The following LRP1B variants were observed in gnomAD, a reference collection of about 807,000 sequenced individuals.
The protein encoded by LRP1B is LDL receptor related protein 1B.
A neutral mutation model predicts 556.6 loss-of-function variants in LRP1B; 217 were observed. The observed-to-expected ratio is 0.39, with a 90% CI of 0.35 to 0.44. LRP1B has a LOEUF of 0.44. LRP1B is among the 20% of genes least tolerant of loss of function. LRP1B has a pLI of 1.00. For missense variants in LRP1B, 5,053 were observed against 5,620.8 expected (o/e 0.90, Z 3.23); for synonymous variants, 2,047 against 1,865.8 (o/e 1.10, Z -2.50).
chr2:140,778,571 A>G (rs1689580294), intron 32 of LRP1B, among the ~76,000 whole-genome samples: 1 of 152,184 alleles, frequency 6.6e-6, no homozygotes, highest in African/African-American at 2.4e-5. Flanking sequence ...TTTCAAATGA[A>G]CAACACAAGC....
chr2:141,183,761 A>T, intron 7 of LRP1B, among the ~76,000 whole-genome samples: 1 of 152,038 alleles, frequency 6.6e-6, no homozygotes, highest in Admixed American at 6.6e-5. Flanking sequence ...CAATTTAGCC[A>T]AATCACATAA....
chr2:140,265,229 T>C (rs915243020), intron 86 of LRP1B, among the ~76,000 whole-genome samples: 1 of 152,104 alleles, frequency 6.6e-6, no homozygotes, highest in African/African-American at 2.4e-5. Flanking sequence ...TTTCTATAGC[T>C]TACAATAAAA....
chr2:141,960,337 A>G (rs911005063), intron 1 of LRP1B, among the ~76,000 whole-genome samples: 1 of 151,840 alleles, frequency 6.6e-6, no homozygotes, highest in Non-Finnish European at 1.5e-5. Context: ...ACCTAATGAT[A>G]GTAATCATTG....
In LRP1B at chr2:140,456,330, T is replaced by C. The variant is rs918581962; in HGVS notation, c.9963+125A>G. The stretch of plus-strand genomic sequence containing the variant: ...AAGGTCCCATTTTAATGAGATGTTA[T>C]AGTGTTTTCCTTTATTCTGTGACCA... On this transcript the variant is annotated intron_variant, in intron 62 of 90. Transcript: ENST00000389484. 24 of 870,290 alleles carry C rather than the reference T, an allele frequency of 2.8e-5. No homozygotes were observed. In the African/African-American group the frequency reaches 3.3e-4, roughly 12 times the overall value. 53.9% of individuals were successfully genotyped at this position (870,290 alleles called of 1,614,324 possible). A position where few individuals can be genotyped will look rare whatever the true frequency, so the allele number is the denominator to read the frequency against.
In LRP1B at chr2:140,233,063, T is replaced by G. The variant is rs1680537252; in HGVS notation, c.*123A>C. The G allele has an allele frequency of 3.4e-6, 2 of 588,642 alleles. No individual in the cohort carries two copies. The highest frequency in any genetic ancestry group is 2.6e-6 in the Non-Finnish European group (1 of 382,230). 36.5% of individuals were successfully genotyped at this position (588,642 alleles called of 1,614,324 possible). On this transcript the variant is annotated 3_prime_UTR_variant, in exon 91 of 91. Transcript: ENST00000389484. ...AAACCCAAAAAACTCAGAAAACAAT[T>G]AACCAGGAAAAAGATAAAGAAAGAG...
chr2:140,939,571 A>G (rs1235283361), intron 20 of LRP1B, among the ~76,000 whole-genome samples: 1 of 149,514 alleles, frequency 6.7e-6, no homozygotes, highest in Non-Finnish European at 1.5e-5. Flanking sequence ...TTACTTTTAT[A>G]TTTGCATTTA....
At chr2:140,351,933 CCACA>C in intron 76 of LRP1B, among the ~76,000 whole-genome samples, 1 of 152,136 alleles carries the variant, frequency 6.6e-6, no homozygotes. Context: ...TTCCTTGAGG[CCACA>C]CAGTCTAAAA....
intron 2 of LRP1B, among the ~76,000 whole-genome samples, chr2:141,780,419 A>G (rs1216463322): frequency 6.6e-6 from 1 of 152,096 alleles, no homozygotes. Flanking sequence ...CAGTACTACA[A>G]TACTCCCCCA....
At chr2:141,935,663 A>C (rs1311495801) in intron 1 of LRP1B, among the ~76,000 whole-genome samples, 1 of 152,230 alleles carries the variant, frequency 6.6e-6, no homozygotes, top group East Asian at 1.9e-4. Context: ...AACAAATTTT[A>C]AGAAAACATC....
chr2:140,303,116 A>C (rs1683911322), intron 83 of LRP1B, among the ~76,000 whole-genome samples: 1 of 148,386 alleles, frequency 6.7e-6, no homozygotes, highest in Non-Finnish European at 1.5e-5. Flanking sequence ...TATATGCATA[A>C]AATAAATGGA....
intron 1 of LRP1B, among the ~76,000 whole-genome samples, chr2:141,984,620 C>T (rs960363163): frequency 1.3e-5 from 2 of 152,050 alleles, no homozygotes; most frequent in African/African-American, 4.8e-5. Context: ...CTATGCCTAC[C>T]TGGGGTACCT....
intron 7 of LRP1B, among the ~76,000 whole-genome samples, chr2:141,117,635 T>C (rs546999108): frequency 1.4e-4 from 22 of 152,126 alleles, no homozygotes; most frequent in Non-Finnish European, 2.4e-4. Context: ...ATAATTGGGG[T>C]AAATAATACA....
At chr2:140,271,254 A>G (rs961783404) in intron 85 of LRP1B, among the ~76,000 whole-genome samples, 1 of 152,014 alleles carries the variant, frequency 6.6e-6, no homozygotes, top group African/African-American at 2.4e-5. Context: ...GGTCAAAACC[A>G]GAATTAACAA....
intron 69 of LRP1B, among the ~76,000 whole-genome samples, chr2:140,372,229 G>A (rs2105169269): frequency 6.6e-6 from 1 of 152,060 alleles, no homozygotes; most frequent in African/African-American, 2.4e-5. Flanking sequence ...TGTTTGTCTA[G>A]GGATCTGTAT....
chr2:140,888,737 G>A (rs1006729284), intron 23 of LRP1B, among the ~76,000 whole-genome samples: 5 of 151,946 alleles, frequency 3.3e-5, no homozygotes, highest in African/African-American at 7.2e-5. Context: ...GCCAAGGCTC[G>A]TGGATCACCT....
chr2:140,642,095 G>A (rs1045686566), intron 41 of LRP1B, among the ~76,000 whole-genome samples: 1 of 152,178 alleles, frequency 6.6e-6, no homozygotes, highest in African/African-American at 2.4e-5. Context: ...TGGGGCTGGT[G>A]ATAAGGGCTG....
chr2:141,691,523 A>G (rs1691531866), intron 2 of LRP1B, among the ~76,000 whole-genome samples: 1 of 133,272 alleles, frequency 7.5e-6, no homozygotes, highest in African/African-American at 2.9e-5. Context: ...AAGGTCTGCC[A>G]TAGAATAACA....
At chr2:142,117,943 T>C (rs527963882) in intron 1 of LRP1B, among the ~76,000 whole-genome samples, 1 of 152,248 alleles carries the variant, frequency 6.6e-6, no homozygotes, top group Non-Finnish European at 1.5e-5. Context: ...CAGTCAAATA[T>C]GTCTGAGTGC....
intron 3 of LRP1B, among the ~76,000 whole-genome samples, chr2:141,340,678 A>G (rs187482128): frequency 1.3e-5 from 2 of 152,328 alleles, no homozygotes; most frequent in East Asian, 1.9e-4. Context: ...CCCACCAAAG[A>G]AAAGGTAATA....
Sources: allele counts gnomAD v4.1 joint callset (sites outside exome capture counted in the v4.1 genomes callset), GRCh38; gene constraint gnomAD v4.1.1; transcripts MANE v1.5; gene names NCBI Gene and HGNC (gene_info 2026-07-23, HGNC 2026-07-21).